EXD2: variants seen among roughly 807,000 people sequenced by gnomAD.
EXD2 encodes the protein exonuclease 3'-5' domain-containing protein 2.
EXD2 carries 40 observed loss-of-function variants against 62.5 expected under a neutral mutation model. That is an observed-to-expected ratio of 0.64 (90% CI 0.50 to 0.83). The LOEUF is 0.83. Ranked by LOEUF, EXD2 falls within the 40% of genes least tolerant of loss-of-function variation. EXD2 has a pLI of 0.00. For missense variants in EXD2, 671 were observed against 761.8 expected (o/e 0.88, Z 1.40); for synonymous variants, 239 against 291.9 (o/e 0.82, Z 1.85).
chr14:69,204,385 T>C (rs1012549169), intron 2 of EXD2, among the ~76,000 whole-genome samples: 1 of 151,942 alleles, frequency 6.6e-6, no homozygotes, highest in African/African-American at 2.4e-5. Context: ...GCCTGGGCAA[T>C]ATAGTGTGAC....
At chr14:69,207,304 G>T (rs1454358802) in intron 2 of EXD2, among the ~76,000 whole-genome samples, 1 of 151,926 alleles carries the variant, frequency 6.6e-6, no homozygotes, top group African/African-American at 2.4e-5. Flanking sequence ...GACCAGCCTG[G>T]CCAACATGGT....
chr14:69,216,079 C>T (rs898543400), intron 3 of EXD2, among the ~76,000 whole-genome samples: 1 of 152,056 alleles, frequency 6.6e-6, no homozygotes, highest in Non-Finnish European at 1.5e-5. Flanking sequence ...TTAACCTTGG[C>T]GATTCAGATT....
Position 69,237,779 on chromosome 14 carries a change from C to T in EXD2, c.1497C>T (p.Arg499=). ...TGCGCCTGCTGGAAGATCCTGAGCG[C>T]CGGCAGGTGCGTTCTGGGGCCAGGG... is the stretch of plus-strand genomic sequence containing the variant. ...EGLRLLEDPE[R]RQVRSGARAL... is the part of the protein sequence containing the mutation. Residue 499 remains arginine, a synonymous_variant, in exon 9 of 10, where the codon CGC becomes CGT. Transcript: ENST00000685843. The T allele has an allele frequency of 6.2e-7, 1 of 1,613,636 alleles. No individual in the cohort carries two copies. The highest frequency in any genetic ancestry group is 8.5e-7 in the Non-Finnish European group (1 of 1,179,844).
In EXD2 at chr14:69,207,594, G is replaced by T. The variant is rs180966934; in HGVS notation, c.-47-1830G>T. ...TCAGCCATAGAGAAGTATAGGCAGGGTGCAGCTGATTGCTCTGTCTTTGGG... is the reference window on the plus strand; with the variant it reads ...TCAGCCATAGAGAAGTATAGGCAGGTTGCAGCTGATTGCTCTGTCTTTGGG... On this transcript the variant is annotated intron_variant, in intron 2 of 9. Transcript: ENST00000685843. Among the ~76,000 whole-genome samples the T allele has an allele frequency of 6.6e-5, 10 of 152,316 alleles. No individual in the cohort carries two copies. The East Asian group carries it at 1.9e-3, about 29-fold the overall frequency.
intron 1 of EXD2, among the ~76,000 whole-genome samples, chr14:69,192,707 G>A (rs1230375344): frequency 6.6e-6 from 1 of 151,910 alleles, no homozygotes; most frequent in Non-Finnish European, 1.5e-5. Context: ...GTAAGATTTC[G>A]CTTTAAACTT....
At chr14:69,198,826 C>T (rs1419241435) in intron 1 of EXD2, among the ~76,000 whole-genome samples, 2 of 152,192 alleles carry the variant, frequency 1.3e-5, no homozygotes, top group Non-Finnish European at 2.9e-5. Flanking sequence ...CTTATTACTC[C>T]TAGGCTATAG....
chr14:69,239,038 C>A (rs2043898027), intron 9 of EXD2: 1 of 152,236 alleles, frequency 6.6e-6, no homozygotes, highest in Non-Finnish European at 1.5e-5. Context: ...TCTGTGAGAA[C>A]TGTGACTAAT....
intron 1 of EXD2, among the ~76,000 whole-genome samples, chr14:69,192,621 A>G (rs2042070371): frequency 6.6e-6 from 1 of 152,158 alleles, no homozygotes; most frequent in African/African-American, 2.4e-5. Flanking sequence ...CCCACAAAAT[A>G]AGAACTGTTG....
chr14:69,242,339 A>C lies in EXD2; in HGVS notation c.*1239A>C, dbSNP rs2044001726. 3.7e-6 allele frequency: 1 copy of C among 272,768 alleles called. No individual in the cohort carries two copies. Among genetic ancestry groups the C allele is most frequent in the Admixed American group, 5.3e-5 (1 of 18,934 alleles). 16.9% of individuals were successfully genotyped at this position (272,768 alleles called of 1,614,324 possible). ...TGATGTTTACTCTAAAATTAATAAT[A>C]AAACTACTTGTAAGCACAAGGCTCA... On this transcript the variant is annotated 3_prime_UTR_variant, in exon 10 of 10. Coordinates refer to ENST00000685843, the MANE Select transcript of EXD2 (RefSeq NM_001193360.2).
At position 69,230,499 on chromosome 14, in the gene EXD2, C is replaced by T. The variant is rs758071292; in HGVS notation, c.618C>T (p.Ser206=). ...ACAATTTGCTCTGTAATGGGCTTAG[C>T]CTGAAGTCCCTCGCTGAGACTGTTT... ...QRNNLLCNGL[S]LKSLAETVLN... The change falls in exon 5 of 10, where the codon AGC becomes AGT. Residue 206 remains serine (S), a synonymous_variant. Coordinates refer to ENST00000685843, the MANE Select transcript of EXD2 (RefSeq NM_001193360.2). 2.5e-6 allele frequency: 4 copies of T among 1,613,224 alleles called. No individual in the cohort carries two copies. The highest frequency in any genetic ancestry group is 3.4e-6 in the Non-Finnish European group (4 of 1,179,572).
chr14:69,241,581 T>G lies in EXD2; in HGVS notation c.*481T>G, dbSNP rs1156624831. The G allele has an allele frequency of 3.1e-6, 1 of 326,706 alleles. No homozygotes were observed. Among genetic ancestry groups the G allele is most frequent in the African/African-American group, 2.1e-5 (1 of 47,140 alleles). The allele number at this position is 326,706 out of a possible 1,614,324, so 20.2% of individuals were successfully genotyped here. On this transcript the variant is annotated 3_prime_UTR_variant, in exon 10 of 10. Coordinates refer to ENST00000685843, the MANE Select transcript of EXD2 (RefSeq NM_001193360.2). ...CAAGGAGTCAAATTTATTTTCCCAA[T>G]TCAACTTCATAATTATCATTTCTTT...
chr14:69,234,414 A>C (rs1422667310), intron 5 of EXD2, among the ~76,000 whole-genome samples: 7 of 152,136 alleles, frequency 4.6e-5, no homozygotes, highest in African/African-American at 1.7e-4. Context: ...TAGAAACTTC[A>C]CTGATTTATA....
intron 1 of EXD2, among the ~76,000 whole-genome samples, chr14:69,198,531 C>T (rs966219916): frequency 1.3e-5 from 2 of 152,192 alleles, no homozygotes; most frequent in Admixed American, 1.3e-4. Flanking sequence ...ATGATGGCCC[C>T]TCATGACTTG....
chr14:69,222,538 T>C (rs1277296324), intron 3 of EXD2, among the ~76,000 whole-genome samples: 1 of 152,206 alleles, frequency 6.6e-6, no homozygotes. Flanking sequence ...CCTATCTTAT[T>C]ATCCTTTCTA....
intron 3 of EXD2, among the ~76,000 whole-genome samples, chr14:69,222,086 C>CAA (rs749899197): frequency 7.7e-6 from 1 of 129,400 alleles, no homozygotes; most frequent in African/African-American, 2.8e-5. Flanking sequence ...GACTCTATCT[C>CAA]AAAAAAAAAA....
chr14:69,219,084 T>G (rs1408172357), intron 3 of EXD2, among the ~76,000 whole-genome samples: 1 of 152,252 alleles, frequency 6.6e-6, no homozygotes, highest in Non-Finnish European at 1.5e-5. Context: ...ATTGAATCTA[T>G]AAATTACCTT....
chr14:69,197,738 G>A (rs1594718982), intron 1 of EXD2, among the ~76,000 whole-genome samples: 1 of 152,110 alleles, frequency 6.6e-6, no homozygotes. Flanking sequence ...GCTGATCCAT[G>A]TTGCTGCATC....
At chr14:69,216,953 T>C (rs1013610136) in intron 3 of EXD2, among the ~76,000 whole-genome samples, 2 of 152,262 alleles carry the variant, frequency 1.3e-5, no homozygotes, top group Middle Eastern at 3.4e-3. Flanking sequence ...CCTATGTAAC[T>C]GTAATTATAT....
chr14:69,202,907 T>C (rs1440618714), intron 1 of EXD2, among the ~76,000 whole-genome samples: 1 of 152,190 alleles, frequency 6.6e-6, no homozygotes. Context: ...TTGGCATCAG[T>C]GAATTTTAAT....
Sources: allele counts gnomAD v4.1 joint callset (sites outside exome capture counted in the v4.1 genomes callset), GRCh38; gene constraint gnomAD v4.1.1; transcripts MANE v1.5; gene names NCBI Gene and HGNC (gene_info 2026-07-23, HGNC 2026-07-21).